Variants in MAP7D3 observed in about 807,000 individuals in gnomAD.
MAP7D3 encodes the protein MAP7 domain-containing protein 3.
A neutral mutation model predicts 62.2 loss-of-function variants in MAP7D3; 45 were observed. The ratio of observed to expected loss-of-function variants is 0.72; its 90% CI spans 0.57 to 0.93. MAP7D3 has a LOEUF of 0.93. Ranked by LOEUF, MAP7D3 falls within the 40% of genes least tolerant of loss-of-function variation. The probability of loss-of-function intolerance (pLI) is 0.00; values close to 1 mark genes in which losing one functional copy is unlikely to be tolerated. For missense variants in MAP7D3, 711 were observed against 683.1 expected, an observed-to-expected ratio of 1.04 and a Z score of -0.45; for synonymous variants, 288 against 248.8, an observed-to-expected ratio of 1.16 and a Z score of -1.48.
At chrX:136,216,101 A>G (rs1181328612), downstream of MAP7D3, among the ~76,000 whole-genome samples, 1 of 111,336 alleles carries the variant, frequency 9.0e-6, no homozygotes, top group African/African-American at 3.3e-5. Flanking sequence ...GCAAGAAAGA[A>G]AAAACAAAAT....
At chrX:136,224,242 A>G (rs954212768) in intron 14 of MAP7D3, among the ~76,000 whole-genome samples, 26 of 107,881 alleles carry the variant, frequency 2.4e-4, no homozygotes, top group African/African-American at 8.8e-4. Flanking sequence ...CTCTAATAGT[A>G]ATACAAAAAT....
chrX:136,247,268 A>G (rs1299705506), intron 1 of MAP7D3, among the ~76,000 whole-genome samples: 1 of 112,244 alleles, frequency 8.9e-6, no homozygotes, highest in Non-Finnish European at 1.9e-5. Flanking sequence ...CTTTAATTCC[A>G]CACATGGCTA....
At chrX:136,252,526 A>G (rs1237581737), upstream of MAP7D3, among the ~76,000 whole-genome samples, 4 of 105,046 alleles carry the variant, frequency 3.8e-5, no homozygotes, top group African/African-American at 1.4e-4. Context: ...AAAATACAAA[A>G]ATTAGCCGGG....
chrX:136,235,477 G>A (rs1031101784), intron 7 of MAP7D3, among the ~76,000 whole-genome samples: 2 of 111,857 alleles, frequency 1.8e-5, no homozygotes, highest in South Asian at 3.7e-4. Flanking sequence ...GGCCAGGCGC[G>A]GTGGCTCACA....
intron 1 of MAP7D3, among the ~76,000 whole-genome samples, chrX:136,250,752 A>C (rs889138117): frequency 8.9e-6 from 1 of 112,217 alleles, no homozygotes; most frequent in Admixed American, 9.3e-5. Flanking sequence ...AAAAGCGCCT[A>C]AACTCGCCCA....
At chrX:136,222,859 G>A (rs1243369690) in intron 14 of MAP7D3, among the ~76,000 whole-genome samples, 3 of 107,325 alleles carry the variant, frequency 2.8e-5, no homozygotes, top group African/African-American at 6.8e-5. Context: ...TGGGAGAGGG[G>A]AGGACAAAGC....
intron 7 of MAP7D3, among the ~76,000 whole-genome samples, chrX:136,234,968 AAC>A (rs1249872591): frequency 3.6e-5 from 4 of 112,309 alleles, no homozygotes; most frequent in African/African-American, 1.3e-4. Flanking sequence ...CAAAACACTG[AAC>A]ACAGTCATCT....
upstream of MAP7D3, chrX:136,251,643 C>T: frequency 1.6e-6 from 1 of 638,030 alleles, no homozygotes; most frequent in Non-Finnish European, 1.9e-6. Flanking sequence ...AGCCAATCAG[C>T]ACCCAGCTTG....
intron 10 of MAP7D3, among the ~76,000 whole-genome samples, chrX:136,229,275 G>C (rs1489941362): frequency 9.0e-6 from 1 of 111,457 alleles, no homozygotes; most frequent in African/African-American, 3.3e-5. Context: ...AAGACTATCA[G>C]TAAAATAAGG....
At chrX:136,220,086 C>A in intron 16 of MAP7D3, among the ~76,000 whole-genome samples, 1 of 112,202 alleles carries the variant, frequency 8.9e-6, no homozygotes, top group Non-Finnish European at 1.9e-5. Context: ...CAGGCAATTG[C>A]CCATGTAGCA....
rs912154534 is a variant in MAP7D3 at position 136,231,580 on chromosome X, T to C, written c.1377A>G (p.Glu459=). 4 of 1,209,341 alleles carry C rather than the reference T, an allele frequency of 3.3e-6. No individual in the cohort carries two copies. Among genetic ancestry groups the C allele is most frequent in the Admixed American group, 2.2e-5 (1 of 45,826 alleles). The change falls in exon 8 of 19, where the codon GAA becomes GAG. Residue 459 remains glutamate (E), a synonymous_variant. Transcript: ENST00000316077. Reference sequence around the variant, plus strand: ...CTCTCGCTTTTGCCTTGGGAGATGCTTCCATGCTTGCTTCAAGGGATGTCT... The same window carrying C: ...CTCTCGCTTTTGCCTTGGGAGATGCCTCCATGCTTGCTTCAAGGGATGTCT... The part of the protein sequence containing the change: ...SPKTSLEASM[E]ASPKAKARDA...
chrX:136,248,141 A>T (rs1277409056), intron 1 of MAP7D3, among the ~76,000 whole-genome samples: 2 of 112,099 alleles, frequency 1.8e-5, no homozygotes, highest in Non-Finnish European at 3.8e-5. Context: ...GGCTGCAGTG[A>T]GCCTTTAGCA....
intron 16 of MAP7D3, chrX:136,219,877 C>T (rs2074103177): frequency 2.2e-6 from 1 of 460,545 alleles, no homozygotes; most frequent in South Asian, 3.1e-5. Context: ...CCCTAGGTCC[C>T]ACGGAAGCAC....
At chrX:136,254,924 C>CAA (rs10653202), upstream of MAP7D3, among the ~76,000 whole-genome samples, 3,238 of 108,689 alleles carry the variant, frequency 0.03, 119 homozygotes, top group African/African-American at 0.1. Context: ...AACAAACAAA[C>CAA]AAAAAAAACG....
chrX:136,227,417 G>A lies in MAP7D3; in HGVS notation c.1901C>T (p.Ser634Leu), dbSNP rs1569531687. The change falls in exon 12 of 19, where the codon TCA becomes TTA. Residue 634 changes from serine (S) to leucine (L), a missense_variant. Physicochemically the swap from Ser to Leu is moderately radical, Grantham distance 145. Transcript: ENST00000316077. ...AACTGCTTCCTTTGCCATGTCTTTT[G>A]ATTTCTTAATGACCCTGAGAGTATT... is the stretch of plus-strand genomic sequence containing the variant. ...EEMQQRVIKK[S>L]KDMAKEAVGG... is the part of the protein sequence containing the mutation. 1 of 1,191,951 alleles carries A rather than the reference G, an allele frequency of 8.4e-7. No individual in the cohort carries two copies. The highest frequency in any genetic ancestry group is 1.1e-6 in the Non-Finnish European group (1 of 880,714).
intron 7 of MAP7D3, among the ~76,000 whole-genome samples, chrX:136,235,341 G>A (rs1269472727): frequency 1.8e-5 from 2 of 112,446 alleles, no homozygotes; most frequent in East Asian, 5.6e-4. Flanking sequence ...TGTTCTAATA[G>A]GATTTGACCT....
At chrX:136,239,447 A>G (rs2074364423) in intron 6 of MAP7D3, among the ~76,000 whole-genome samples, 1 of 112,209 alleles carries the variant, frequency 8.9e-6, no homozygotes, top group African/African-American at 3.2e-5. Context: ...GAAAACATTG[A>G]CTTATAAATG....
chrX:136,215,576 T>C (rs1474755186), downstream of MAP7D3, among the ~76,000 whole-genome samples: 4 of 111,866 alleles, frequency 3.6e-5, no homozygotes, highest in East Asian at 2.8e-4. Flanking sequence ...AATGTAATAA[T>C]AGAAATGAAG....
upstream of MAP7D3, among the ~76,000 whole-genome samples, chrX:136,252,001 A>G (rs1321550865): frequency 8.9e-6 from 1 of 112,246 alleles, no homozygotes; most frequent in Non-Finnish European, 1.9e-5. Context: ...ATTGGCATCA[A>G]TCTCTCCGGA....
Sources: gnomAD v4.1 joint callset for allele counts (sites outside exome capture counted in the v4.1 genomes callset) on GRCh38, gnomAD v4.1.1 for gene constraint, MANE v1.5 for transcripts, NCBI Gene and HGNC (gene_info 2026-07-23, HGNC 2026-07-21) for gene names.